The following BIRC6 variants were observed in gnomAD, a reference collection of about 807,000 sequenced individuals.
BIRC6 encodes baculoviral IAP repeat containing 6.
A neutral mutation model predicts 503.3 loss-of-function variants in BIRC6; 98 were observed. That is an observed-to-expected ratio of 0.19 (90% CI 0.17 to 0.23). The LOEUF is 0.23. Ranked by LOEUF, BIRC6 falls within the 10% of genes least tolerant of loss-of-function variation. BIRC6 has a pLI of 1.00. For synonymous variants in BIRC6, 2,240 were observed against 2,078.7 expected (o/e 1.08, Z -2.11); for missense variants, 5,360 against 5,806.0 (o/e 0.92, Z 2.50).
intron 8 of BIRC6, among the ~76,000 whole-genome samples, chr2:32,403,610 G>A (rs1321409617): frequency 1.3e-5 from 2 of 152,112 alleles, no homozygotes; most frequent in African/African-American, 4.8e-5. Context: ...AAATGAAATT[G>A]TTTATGGGAT....
In BIRC6 at chr2:32,374,634, G is replaced by A. The variant is rs1006981851; in HGVS notation, c.326-2954G>A. On this transcript the variant is annotated intron_variant, in intron 1 of 73. Transcript: ENST00000421745. ...ACTACAGGCGCCCGCCACCACGCCCGGCTAATTTTTTGTATTTTTAGTAGA... is the reference window on the plus strand; with the variant it reads ...ACTACAGGCGCCCGCCACCACGCCCAGCTAATTTTTTGTATTTTTAGTAGA... Among the ~76,000 whole-genome samples, 9 of 151,830 alleles carry A rather than the reference G, an allele frequency of 5.9e-5. 1 individual carries two copies. In the South Asian group the frequency reaches 1.0e-3, roughly 18 times the overall value.
intron 65 of BIRC6, among the ~76,000 whole-genome samples, chr2:32,551,320 T>A (rs2058405617): frequency 6.6e-6 from 1 of 152,190 alleles, no homozygotes; most frequent in Admixed American, 6.5e-5. Context: ...TTTCCCTCTG[T>A]CACCCATGCT....
chr2:32,514,567 C>T (rs1390992171), intron 54 of BIRC6, among the ~76,000 whole-genome samples: 1 of 152,288 alleles, frequency 6.6e-6, no homozygotes, highest in Middle Eastern at 3.4e-3. Flanking sequence ...TGGCATAATC[C>T]ATGACTTAAT....
At position 32,463,179 on chromosome 2, in the gene BIRC6, C is replaced by A; in HGVS notation, c.4754-15C>A. Reference sequence around the variant, plus strand: ...GTGTTTTTTGTTTTTGTTTTTACCCCTTGTCTTATGCCAGTGAGTTCCTTC... The same window carrying A: ...GTGTTTTTTGTTTTTGTTTTTACCCATTGTCTTATGCCAGTGAGTTCCTTC... On this transcript the variant is annotated splice_polypyrimidine_tract_variant and intron_variant, in intron 23 of 73. Coordinates refer to ENST00000421745, the MANE Select transcript of BIRC6 (RefSeq NM_016252.4). The A allele has an allele frequency of 6.3e-7, 1 of 1,585,024 alleles. No individual in the cohort carries two copies. Among genetic ancestry groups the A allele is most frequent in the Non-Finnish European group, 8.6e-7 (1 of 1,168,664 alleles).
intron 45 of BIRC6, among the ~76,000 whole-genome samples, chr2:32,497,418 C>T (rs1054075619): frequency 2.0e-5 from 3 of 152,182 alleles, no homozygotes; most frequent in Admixed American, 1.3e-4. Context: ...TGAATTTATT[C>T]TGAAAGAGGT....
At chr2:32,452,140 T>C (rs753816669) in intron 22 of BIRC6, among the ~76,000 whole-genome samples, 17 of 152,176 alleles carry the variant, frequency 1.1e-4, no homozygotes, top group Non-Finnish European at 2.4e-4. Flanking sequence ...TTTTTCCAAC[T>C]ACATATTTGT....
chr2:32,609,561 C>T (rs1050229812), intron 72 of BIRC6, among the ~76,000 whole-genome samples: 3 of 151,986 alleles, frequency 2.0e-5, no homozygotes, highest in Non-Finnish European at 1.5e-5. Flanking sequence ...TGCAGATGTT[C>T]TACATGAATA....
intron 4 of BIRC6, among the ~76,000 whole-genome samples, 154 bp downstream of exon 4, chr2:32,389,097 T>C (rs981250290): frequency 6.6e-5 from 10 of 152,150 alleles, no homozygotes; most frequent in African/African-American, 2.4e-4. Context: ...TGAATTAGAA[T>C]CTGAAAACCA....
chr2:32,560,136 AC>A (rs1192783466), intron 65 of BIRC6, among the ~76,000 whole-genome samples: 1 of 152,266 alleles, frequency 6.6e-6, no homozygotes, highest in Non-Finnish European at 1.5e-5. Flanking sequence ...AAGCATACTT[AC>A]GTAACTAATG....
chr2:32,540,535 T>C (rs919679199), intron 61 of BIRC6, among the ~76,000 whole-genome samples: 8 of 152,074 alleles, frequency 5.3e-5, no homozygotes, highest in Admixed American at 3.3e-4. Flanking sequence ...AAGCATGTTT[T>C]CATATACTTT....
At chr2:32,600,998 T>A (rs1167525715) in intron 70 of BIRC6, among the ~76,000 whole-genome samples, 1 of 152,122 alleles carries the variant, frequency 6.6e-6, no homozygotes, top group Non-Finnish European at 1.5e-5. Context: ...CTAATGAACT[T>A]TAAAGAAAAA....
At chr2:32,395,429 G>T in intron 5 of BIRC6, 82 bp from the exon 6 acceptor site, 1 of 1,106,378 alleles carries the variant, frequency 9.0e-7, no homozygotes. Context: ...TTAAAATTAT[G>T]AACTTTTAAA....
chr2:32,366,614 G>T (rs1241824254), intron 1 of BIRC6, among the ~76,000 whole-genome samples: 1 of 152,162 alleles, frequency 6.6e-6, no homozygotes, highest in East Asian at 1.9e-4. Flanking sequence ...GGGGACGCAA[G>T]CAGGAGTGAC....
rs1272807290 is a variant in BIRC6 at position 32,357,803 on chromosome 2, G to C, written c.325+317G>C. Among the ~76,000 whole-genome samples, 1 of 152,170 alleles carries C rather than the reference G, an allele frequency of 6.6e-6. No individual in the cohort carries two copies. Among genetic ancestry groups the C allele is most frequent in the Non-Finnish European group, 1.5e-5 (1 of 68,010 alleles). ...CTTGGAGCTTGGCACCGGAGGAAGC[G>C]AGGCCCGGGTAGGCCCTGGAGAGGC... On this transcript the variant is annotated intron_variant, in intron 1 of 73. Coordinates refer to ENST00000421745, the MANE Select transcript of BIRC6 (RefSeq NM_016252.4). This position sits in a 1 kb window ranked among gnomAD's most constrained non-coding sequence, Gnocchi z 4.9.
intron 31 of BIRC6, among the ~76,000 whole-genome samples, chr2:32,470,535 A>G (rs551154661): frequency 6.6e-6 from 1 of 152,288 alleles, no homozygotes; most frequent in East Asian, 1.9e-4. Context: ...TTCCTGTACT[A>G]TTATAACTAA....
At chr2:32,509,474 C>T (rs2010105) in intron 51 of BIRC6, among the ~76,000 whole-genome samples, 3 of 152,090 alleles carry the variant, frequency 2.0e-5, no homozygotes, top group East Asian at 1.9e-4. Flanking sequence ...AGGATGGTCT[C>T]GAACTCCTGA....
intron 1 of BIRC6, among the ~76,000 whole-genome samples, chr2:32,361,257 G>A (rs530833925): frequency 3.3e-5 from 5 of 152,148 alleles, no homozygotes; most frequent in South Asian, 2.1e-4. Context: ...GTATAAACTC[G>A]AGTATTTTTG....
intron 66 of BIRC6, among the ~76,000 whole-genome samples, chr2:32,593,324 T>C (rs1029765401): frequency 2.6e-5 from 4 of 152,198 alleles, no homozygotes; most frequent in African/African-American, 9.6e-5. Flanking sequence ...CTTGCTGTAA[T>C]ACATCCTATT....
At chr2:32,594,241 AT>A (rs2151407157) in intron 67 of BIRC6, 181 bp downstream of exon 67, 2 of 554,704 alleles carry the variant, frequency 3.6e-6, no homozygotes, top group South Asian at 3.2e-5. Context: ...GTATAGTCTA[AT>A]TTTTAAACAT....
Sources: gnomAD v4.1 joint callset for allele counts (sites outside exome capture counted in the v4.1 genomes callset) on GRCh38, gnomAD v4.1.1 for gene constraint, Gnocchi (gnomAD v3.1) non-coding constraint, MANE v1.5 for transcripts, NCBI Gene and HGNC (gene_info 2026-07-23, HGNC 2026-07-21) for gene names.